Variants in DNAH1 observed in about 807,000 individuals in gnomAD.
The protein encoded by DNAH1 is axonemal beta dynein heavy chain 1.
In DNAH1, 327 loss-of-function variants were observed where a neutral mutation model predicts 484.3. That is an observed-to-expected ratio of 0.68 (90% CI 0.62 to 0.74). DNAH1 has a LOEUF of 0.74. DNAH1 is among the 30% of genes least tolerant of loss of function. The pLI is 0.00. For synonymous variants in DNAH1, 2,192 were observed against 2,191.9 expected (o/e 1.00, Z 0.00); for missense variants, 5,052 against 5,546.8 (o/e 0.91, Z 2.83).
rs1703168301 is a variant in DNAH1, at chr3:52,368,295, C to G, written c.5766-446C>G. Among the ~76,000 whole-genome samples the G allele has an allele frequency of 1.3e-5, 2 of 152,178 alleles. No homozygotes were observed. The highest frequency in any genetic ancestry group is 2.9e-5 in the Non-Finnish European group (2 of 68,032). On this transcript the variant is annotated intron_variant, in intron 36 of 77. Coordinates refer to ENST00000420323, the MANE Select transcript of DNAH1 (RefSeq NM_015512.5). This position sits in a 1 kb window ranked among gnomAD's most constrained non-coding sequence, Gnocchi z 4.4. ...TTCCGGAGCCTAAGGCTGGACCAAG[C>G]ACAGCATCTTCATCAGCCCTACCAG... is the stretch of plus-strand genomic sequence containing the variant.
rs1703762216 is a variant in DNAH1, at chr3:52,379,834, T to C, written c.7378-71T>C. ...CCAGGAACTGGGGCCCACCCTCCCT[T>C]GCCTGGTGGTTTGAGAGATAGCTGA... On this transcript the variant is annotated intron_variant, in intron 47 of 77. Transcript: ENST00000420323. This position sits in a 1 kb window ranked among gnomAD's most constrained non-coding sequence, Gnocchi z 4.4. 7.2e-7 allele frequency: 1 copy of C among 1,391,894 alleles called. No homozygotes were observed. Among genetic ancestry groups the C allele is most frequent in the Non-Finnish European group, 9.8e-7 (1 of 1,023,116 alleles). The allele number at this position is 1,391,894 out of a possible 1,614,324, so 86.2% of individuals were successfully genotyped here.
At position 52,394,584 on chromosome 3, in the gene DNAH1, C is replaced by A. The variant is rs763478584; in HGVS notation, c.10746C>A (p.Thr3582=). 10 of 1,611,174 alleles carry A rather than the reference C, an allele frequency of 6.2e-6. No individual in the cohort carries two copies. In the East Asian group the frequency reaches 8.9e-5, roughly 14 times the overall value. ...TCCTAGCACTCTCGAACCTGCCAAC[C>A]TTTTCCTCCTTCTCTTCCGACTTCG... ...RDILALSNLP[T]FSSFSSDFVK... Residue 3582 remains threonine (T), a synonymous_variant, in exon 67 of 78, where the codon ACC becomes ACA. Transcript: ENST00000420323.
chr3:52,327,837 A>C, intron 5 of DNAH1, 45 bp from the exon 6 acceptor site: 7 of 1,606,728 alleles, frequency 4.4e-6, no homozygotes, highest in African/African-American at 1.3e-5. Context: ...CCTGGGCCCC[A>C]CTAGAGGAGC....
Position 52,368,398 on chromosome 3 carries a change from G to A in DNAH1, c.5766-343G>A, listed in dbSNP as rs750169726. On this transcript the variant is annotated intron_variant, in intron 36 of 77. Transcript: ENST00000420323. This position sits in a 1 kb window ranked among gnomAD's most constrained non-coding sequence, Gnocchi z 4.4. ...GCAGGACCTGGCCACTTCTCACCAC[G>A]CTGCTTTCTCTGCCCTGTCATTTAC... Among the ~76,000 whole-genome samples the A allele has an allele frequency of 3.9e-5, 6 of 152,184 alleles. No homozygotes were observed. Among genetic ancestry groups the A allele is most frequent in the East Asian group, 1.9e-4 (1 of 5,184 alleles).
chr3:52,348,279 T>C (rs1702228270), intron 12 of DNAH1, among the ~76,000 whole-genome samples: 1 of 152,200 alleles, frequency 6.6e-6, no homozygotes, highest in Non-Finnish European at 1.5e-5. Context: ...TAAGATTGCA[T>C]AGCTGCTAAG....
Position 52,362,391 on chromosome 3 carries a change from G to A in DNAH1, c.4984G>A (p.Glu1662Lys), listed in dbSNP as rs1316377087. 1 of 1,613,332 alleles carries A rather than the reference G, an allele frequency of 6.2e-7. No homozygotes were observed. Among genetic ancestry groups the A allele is most frequent in the African/African-American group, 1.3e-5 (1 of 74,926 alleles). ...AGTCAGCCTCTCCCCACTGCAGGTGGAACGCTTCATGTTTGAGGGTGTGGA... is the reference window on the plus strand; with the variant it reads ...AGTCAGCCTCTCCCCACTGCAGGTGAAACGCTTCATGTTTGAGGGTGTGGA... The part of the protein sequence containing the change: ...TIQKAQQQRV[E>K]RFMFEGVEIP... Residue 1662 changes from glutamate (E) to lysine (K), a missense_variant, in exon 31 of 78, where the codon GAA becomes AAA. Coordinates refer to ENST00000420323, the MANE Select transcript of DNAH1 (RefSeq NM_015512.5). The surrounding 1 kb of genome is among the most constrained non-coding windows in gnomAD (Gnocchi z 5.1).
At chr3:52,351,913 C>T (rs967435199) in intron 16 of DNAH1, 49 bp from the exon 17 acceptor site, 6 of 1,573,772 alleles carry the variant, frequency 3.8e-6, no homozygotes, top group Non-Finnish European at 5.2e-6. Flanking sequence ...TGCCACTCCA[C>T]CACTTCAGCC....
In DNAH1 at chr3:52,362,960, CTGTT is replaced by C; in HGVS notation, c.5095-32_5095-29del. 1 of 1,612,620 alleles carries C rather than the reference CTGTT, an allele frequency of 6.2e-7. No homozygotes were observed. The highest frequency in any genetic ancestry group is 8.5e-7 in the Non-Finnish European group (1 of 1,179,130). On this transcript the variant is annotated intron_variant, in intron 31 of 77. Transcript: ENST00000420323. This position sits in a 1 kb window ranked among gnomAD's most constrained non-coding sequence, Gnocchi z 5.1. Reference sequence around the variant, plus strand: ...GCTGGGGGTGCTCTGGGGGTGAGCTCTGTTTGCTGTTCACATGTGCACTGTGTGT... The same window carrying C: ...GCTGGGGGTGCTCTGGGGGTGAGCTCTGCTGTTCACATGTGCACTGTGTGT...
At chr3:52,329,422 A>G (rs1359217065) in intron 6 of DNAH1, among the ~76,000 whole-genome samples, 1 of 152,126 alleles carries the variant, frequency 6.6e-6, no homozygotes, top group African/African-American at 2.4e-5. Context: ...TGAGCTATAG[A>G]CCTTGTTTAC....
chr3:52,395,920 C>A lies in DNAH1; in HGVS notation c.11259+242C>A, dbSNP rs1208843790. 6.6e-6 allele frequency among the ~76,000 whole-genome samples: 1 copy of A among 151,552 alleles called. No homozygotes were observed. The highest frequency in any genetic ancestry group is 2.1e-4 in the South Asian group (1 of 4,804). The stretch of plus-strand genomic sequence containing the variant: ...AGGGACACCCAGCACAGACCGTGAC[C>A]TGGGACTTGCCAAAGCCCTTTTTTT... On this transcript the variant is annotated intron_variant, in intron 70 of 77. Coordinates refer to ENST00000420323, the MANE Select transcript of DNAH1 (RefSeq NM_015512.5). This position sits in a 1 kb window ranked among gnomAD's most constrained non-coding sequence, Gnocchi z 4.4.
Position 52,358,738 on chromosome 3 carries a change from G to T in DNAH1, c.4266+1G>T. ...GAAGGCCATCAGGGCCTACCCCACG[G>T]TGAGCCGCCCGCAGCCCGTGCAGCC... is the stretch of plus-strand genomic sequence containing the variant. On this transcript the variant is annotated splice_donor_variant, in intron 25 of 77. Coordinates refer to ENST00000420323, the MANE Select transcript of DNAH1 (RefSeq NM_015512.5). LOFTEE classifies it high-confidence loss of function. The surrounding 1 kb of genome is among the most constrained non-coding windows in gnomAD (Gnocchi z 4.2). The T allele has an allele frequency of 1.2e-6, 2 of 1,611,980 alleles. No individual in the cohort carries two copies. The highest frequency in any genetic ancestry group is 1.7e-6 in the Non-Finnish European group (2 of 1,179,498).
At chr3:52,360,759 C>T (rs905261931) in intron 28 of DNAH1, among the ~76,000 whole-genome samples, 16 of 152,240 alleles carry the variant, frequency 1.1e-4, no homozygotes, top group African/African-American at 3.6e-4. Flanking sequence ...TTTTATCCGT[C>T]AATTCCTCCT....
chr3:52,397,798 A>G lies in DNAH1; in HGVS notation c.11879A>G (p.Asn3960Ser). Reference protein sequence around the residue: ...HDNANITFAQNETFALLGTII... With the variant: ...HDNANITFAQSETFALLGTII... The stretch of plus-strand genomic sequence containing the variant: ...AATGCCAACATCACCTTTGCCCAGA[A>G]CGAGACGTTCGCCCTCCTGGGCACC... The change falls in exon 74 of 78, where the codon AAC (asparagine) becomes AGC (serine). Residue 3960 changes from asparagine (N) to serine (S), a missense_variant. By Grantham distance (46) the Asn-to-Ser change is conservative. Around this residue, in one of 4 missense-constraint regions of DNAH1, gnomAD observed 853 missense variants for 899.0 expected, o/e 0.95. Coordinates refer to ENST00000420323, the MANE Select transcript of DNAH1 (RefSeq NM_015512.5). 6.2e-7 allele frequency: 1 copy of G among 1,613,760 alleles called. No individual in the cohort carries two copies. The highest frequency in any genetic ancestry group is 1.1e-5 in the South Asian group (1 of 91,066).
At chr3:52,318,083 G>C (rs7625803) in intron 1 of DNAH1, among the ~76,000 whole-genome samples, 1 of 152,198 alleles carries the variant, frequency 6.6e-6, no homozygotes, top group East Asian at 1.9e-4. Flanking sequence ...ACGGAGTCTC[G>C]CTCTGTCGCC....
chr3:52,393,100 A>G, intron 65 of DNAH1, 75 bp downstream of exon 65: 2 of 1,536,900 alleles, frequency 1.3e-6, no homozygotes, highest in South Asian at 1.2e-5. Flanking sequence ...TGGGGCACAC[A>G]CAAACTCACA....
Position 52,385,228 on chromosome 3 carries a change from C to T in DNAH1, c.8515-109C>T, listed in dbSNP as rs546636698. On this transcript the variant is annotated intron_variant, in intron 53 of 77. Transcript: ENST00000420323. ...GTCGGCTGGGCAATGTGGGGGCCAC[C>T]GAAGCTGCCGGCCACAGCTTCTCTC... 1.5e-4 allele frequency: 177 copies of T among 1,201,188 alleles called. 1 individual carries two copies. Among genetic ancestry groups the T allele is most frequent in the Middle Eastern group, 5.9e-4 (3 of 5,108 alleles). The allele number at this position is 1,201,188 out of a possible 1,614,324, so 74.4% of individuals were successfully genotyped here.
At position 52,395,262 on chromosome 3, in the gene DNAH1, T is replaced by C; in HGVS notation, c.10969-46T>C. 1 of 1,596,390 alleles carries C rather than the reference T, an allele frequency of 6.3e-7. No homozygotes were observed. The highest frequency in any genetic ancestry group is 8.5e-7 in the Non-Finnish European group (1 of 1,169,940). ...CAGATCCCCCTCCCTTGCCCCGATC[T>C]CTCTGCAGCCCCAGGTGGTCTCAGC... On this transcript the variant is annotated intron_variant, in intron 68 of 77. Transcript: ENST00000420323. This position sits in a 1 kb window ranked among gnomAD's most constrained non-coding sequence, Gnocchi z 4.4.
rs569911383 is a variant in DNAH1, at chr3:52,350,258, T to C, written c.2646+150T>C. 199 of 1,201,878 alleles carry C rather than the reference T, an allele frequency of 1.7e-4. 4 individuals carry two copies. In the South Asian group the frequency reaches 2.7e-3, roughly 17 times the overall value. The allele number at this position is 1,201,878 out of a possible 1,614,324, so 74.5% of individuals were successfully genotyped here. The stretch of plus-strand genomic sequence containing the variant: ...AGGACAGATGGGGTTTAGGGGGTTG[T>C]GAGCCGGGGCTTCAGAGCTCTGCTG... On this transcript the variant is annotated intron_variant, in intron 15 of 77. Transcript: ENST00000420323.
At chr3:52,371,827 C>G in intron 41 of DNAH1, 119 bp from the exon 42 acceptor site, 1 of 1,449,266 alleles carries the variant, frequency 6.9e-7, no homozygotes, top group Non-Finnish European at 9.3e-7. Flanking sequence ...GCACCTGGAC[C>G]CGCTTGCCAA....
Sources: gnomAD v4.1 joint callset for allele counts (sites outside exome capture counted in the v4.1 genomes callset) on GRCh38, gnomAD v4.1.1 for gene constraint, gnomAD v4.1.1 regional missense constraint, Gnocchi (gnomAD v3.1) non-coding constraint, MANE v1.5 for transcripts, NCBI Gene and HGNC (gene_info 2026-07-23, HGNC 2026-07-21) for gene names.